NMNAT2: variants seen among roughly 807,000 people sequenced by gnomAD.
The protein encoded by NMNAT2 is nicotinamide/nicotinic acid mononucleotide adenylyltransferase 2.
A neutral mutation model predicts 41.6 loss-of-function variants in NMNAT2; 11 were observed. The ratio of observed to expected loss-of-function variants is 0.26; its 90% confidence interval spans 0.17 to 0.44. NMNAT2 has a LOEUF of 0.44. NMNAT2 is among the 20% of genes least tolerant of loss of function. The pLI is 1.00. For missense variants in NMNAT2, 288 were observed against 407.7 expected (o/e 0.71, Z 2.53); for synonymous variants, 148 against 151.2 (o/e 0.98, Z 0.16).
At chr1:183,315,095 C>T (rs12562920) in intron 1 of NMNAT2, among the ~76,000 whole-genome samples, 14,417 of 152,150 alleles carry the variant, frequency 0.095, 984 homozygotes, top group East Asian at 0.35. Context: ...TAATATTAAA[C>T]CAATCAGATT....
chr1:183,349,565 C>A (rs116882634), intron 1 of NMNAT2, among the ~76,000 whole-genome samples: 25 of 152,354 alleles, frequency 1.6e-4, no homozygotes, highest in Middle Eastern at 3.4e-3. Context: ...ACCCAGCAAG[C>A]CTTTGGGGCA....
intron 1 of NMNAT2, among the ~76,000 whole-genome samples, chr1:183,315,619 T>C (rs1031606392): frequency 6.6e-6 from 1 of 151,886 alleles, no homozygotes; most frequent in African/African-American, 2.4e-5. Flanking sequence ...CCGTCTCTAC[T>C]AAAAATACAA....
At chr1:183,305,634 C>T (rs1373621401) in intron 1 of NMNAT2, among the ~76,000 whole-genome samples, 2 of 151,276 alleles carry the variant, frequency 1.3e-5, no homozygotes, top group African/African-American at 4.9e-5. Flanking sequence ...AGTGCTGAGG[C>T]TGCAGTGCGG....
intron 1 of NMNAT2, among the ~76,000 whole-genome samples, chr1:183,304,418 G>A (rs529231670): frequency 6.6e-6 from 1 of 152,136 alleles, no homozygotes; most frequent in Non-Finnish European, 1.5e-5. Context: ...TTTCCCAAGG[G>A]GATGATAGGT....
chr1:183,365,355 G>A (rs1663393042), intron 1 of NMNAT2, among the ~76,000 whole-genome samples: 1 of 151,964 alleles, frequency 6.6e-6, no homozygotes, highest in South Asian at 2.1e-4. Flanking sequence ...ACAGCAAACA[G>A]GTCCATGCAG....
chr1:183,378,389 A>G (rs1663723365), intron 1 of NMNAT2, among the ~76,000 whole-genome samples: 2 of 147,336 alleles, frequency 1.4e-5, no homozygotes, highest in Admixed American at 6.7e-5. Flanking sequence ...GGGAGACTCC[A>G]TTAAAAAAAA....
chr1:183,312,197 T>A (rs908483969), intron 1 of NMNAT2, among the ~76,000 whole-genome samples: 2 of 152,104 alleles, frequency 1.3e-5, no homozygotes, highest in African/African-American at 4.8e-5. Flanking sequence ...AAATAGAAGA[T>A]AATAATTTTT....
At position 183,389,847 on chromosome 1, in the gene NMNAT2, AAAAAG is replaced by A. The variant is rs1476467273; in HGVS notation, c.85+28331_85+28335del. Among the ~76,000 whole-genome samples, 84 of 69,658 alleles carry A rather than the reference AAAAAG, an allele frequency of 1.2e-3. 12 individuals are homozygous for A. The highest frequency in any genetic ancestry group is 2.2e-3 in the Non-Finnish European group (69 of 30,902). The allele number at this position is 69,658 out of a possible 152,430, so 45.7% of individuals were successfully genotyped here. A position where few individuals can be genotyped will look rare whatever the true frequency, so the allele number is the denominator to read the frequency against. ...AAGAAAGAAAGAAAGAAAGAAAGGA[AAAAAG>A]AGAAAGAAAGAAAGAAAGAAGGGAG... On this transcript the variant is annotated intron_variant, in intron 1 of 10. Transcript: ENST00000287713.
chr1:183,261,399 AC>A (rs1660654511), intron 8 of NMNAT2, 96 bp from the exon 9 acceptor site: 2 of 1,115,140 alleles, frequency 1.8e-6, no homozygotes, highest in Non-Finnish European at 2.7e-6. Context: ...CCATTCTTCC[AC>A]ATGGAGCCCC....
At chr1:183,378,770 G>A (rs187730324) in intron 1 of NMNAT2, among the ~76,000 whole-genome samples, 1 of 151,010 alleles carries the variant, frequency 6.6e-6, no homozygotes, top group African/African-American at 2.4e-5. Flanking sequence ...TTGGCCAGGC[G>A]AGGTGGCTCA....
At position 183,286,709 on chromosome 1, in the gene NMNAT2, G is replaced by A; in HGVS notation, c.401C>T (p.Pro134Leu). The change falls in exon 5 of 11, where the codon CCC (proline) becomes CTC (leucine). Residue 134 changes from proline to leucine, a missense_variant. Pro to Leu is a moderately conservative substitution (Grantham distance 98). This residue lies in a region of NMNAT2 where 181 missense variants were observed against 213.7 expected (regional missense o/e 0.85). Transcript: ENST00000287713. ...GTTGCTGTTCTGGTAAATGGGCTGG[G>A]GGGTCTCGTTTTGTGGCTGTCCGAT... ...PVIGQPQNETPQPIYQNSNVA... is the reference protein window; with the variant it reads ...PVIGQPQNETLQPIYQNSNVA... 1 of 1,612,670 alleles carries A rather than the reference G, an allele frequency of 6.2e-7. No individual in the cohort carries two copies. Among genetic ancestry groups the A allele is most frequent in the Non-Finnish European group, 8.5e-7 (1 of 1,179,460 alleles).
chr1:183,294,254 A>C (rs1221656589), intron 1 of NMNAT2, among the ~76,000 whole-genome samples: 4 of 152,206 alleles, frequency 2.6e-5, no homozygotes, highest in African/African-American at 9.7e-5. Flanking sequence ...CCACCAAAAC[A>C]AATTTAAAGG....
chr1:183,258,552 AG>A (rs1027333172), intron 10 of NMNAT2, among the ~76,000 whole-genome samples: 2 of 152,242 alleles, frequency 1.3e-5, no homozygotes, highest in African/African-American at 4.8e-5. Context: ...AGAGGACAAC[AG>A]CCCTTTCCCA....
At chr1:183,342,666 T>C (rs1433333765) in intron 1 of NMNAT2, among the ~76,000 whole-genome samples, 1 of 152,236 alleles carries the variant, frequency 6.6e-6, no homozygotes, top group Admixed American at 6.5e-5. Flanking sequence ...TCTTCAGAAC[T>C]GCAATTCAAA....
intron 1 of NMNAT2, among the ~76,000 whole-genome samples, chr1:183,294,347 G>A (rs1399093952): frequency 6.6e-6 from 1 of 152,166 alleles, no homozygotes; most frequent in Non-Finnish European, 1.5e-5. Context: ...AATTTGGCCA[G>A]ATAAAAGCCT....
rs542568379 is a variant in NMNAT2, at chr1:183,390,186, G to A, written c.85+27997C>T. On this transcript the variant is annotated intron_variant, in intron 1 of 10. Transcript: ENST00000287713. ...CAGAAATTACTGAATAGGGTGAGCC[G>A]CATGAACATCAATGTTAAAACGGCT... Among the ~76,000 whole-genome samples, 17 of 152,172 alleles carry A rather than the reference G, an allele frequency of 1.1e-4. No homozygotes were observed. The South Asian group carries it at 1.2e-3, about 11-fold the overall frequency.
intron 1 of NMNAT2, among the ~76,000 whole-genome samples, chr1:183,401,239 C>G (rs1253627873): frequency 1.3e-5 from 2 of 152,058 alleles, no homozygotes; most frequent in African/African-American, 4.8e-5. Context: ...ACAACCCCGT[C>G]AAAAAGTGGG....
intron 1 of NMNAT2, among the ~76,000 whole-genome samples, chr1:183,331,175 G>T (rs1389327498): frequency 6.6e-6 from 1 of 152,132 alleles, no homozygotes; most frequent in Non-Finnish European, 1.5e-5. Context: ...GTGAAATCAT[G>T]AGGGGCAGGT....
intron 1 of NMNAT2, among the ~76,000 whole-genome samples, chr1:183,296,080 C>G (rs1661687417): frequency 6.6e-6 from 1 of 152,230 alleles, no homozygotes. Context: ...AAACTCCTGA[C>G]CTCAGGAGAT....
Sources: allele counts gnomAD v4.1 joint callset (sites outside exome capture counted in the v4.1 genomes callset), GRCh38; gene constraint gnomAD v4.1.1; regional missense constraint gnomAD v4.1.1; transcripts MANE v1.5; gene names NCBI Gene and HGNC (gene_info 2026-07-23, HGNC 2026-07-21).